ZC3H12C: variants seen among roughly 807,000 people sequenced by gnomAD.
The protein encoded by ZC3H12C is probable ribonuclease ZC3H12C.
A neutral mutation model predicts 76.3 loss-of-function variants in ZC3H12C; 20 were observed. That is an observed-to-expected ratio of 0.26 (90% confidence interval 0.18 to 0.38). The LOEUF (loss-of-function observed/expected upper bound fraction) is 0.38, where lower values mean the gene tolerates loss of function less well. Among genes scored for constraint, ZC3H12C ranks in the 10% least tolerant of loss-of-function variants. ZC3H12C has a pLI of 1.00. For missense variants in ZC3H12C, 874 were observed against 1,086.5 expected (o/e 0.80, Z 2.75); for synonymous variants, 352 against 399.6 (o/e 0.88, Z 1.42).
intron 2 of ZC3H12C, 85 bp from the exon 3 acceptor site, chr11:110,152,834 G>A (rs1862299536): frequency 6.9e-7 from 1 of 1,452,084 alleles, no homozygotes; most frequent in East Asian, 2.5e-5. Flanking sequence ...TTGTAACTAT[G>A]TAATACTTTC....
At chr11:110,151,301 A>C (rs1466843548) in intron 2 of ZC3H12C, among the ~76,000 whole-genome samples, 1 of 152,192 alleles carries the variant, frequency 6.6e-6, no homozygotes, top group Admixed American at 6.5e-5. Flanking sequence ...TTACCAAATG[A>C]AATTACCAGG....
At chr11:110,130,948 T>C (rs1861853564) in intron 1 of ZC3H12C, 2 of 1,356,198 alleles carry the variant, frequency 1.5e-6, no homozygotes, top group East Asian at 5.0e-5. Context: ...TTGGCTGTTA[T>C]TCCACTCGGT....
chr11:110,103,797 G>T (rs1307084312), intron 1 of ZC3H12C, among the ~76,000 whole-genome samples: 1 of 151,948 alleles, frequency 6.6e-6, no homozygotes, highest in Non-Finnish European at 1.5e-5. Flanking sequence ...TAGAGATGGG[G>T]TTTCACCGTG....
At chr11:110,125,238 G>A (rs746164014) in intron 1 of ZC3H12C, among the ~76,000 whole-genome samples, 59 of 149,344 alleles carry the variant, frequency 4.0e-4, no homozygotes, top group Non-Finnish European at 7.0e-4. Flanking sequence ...CATTTGGATG[G>A]ATTTTATGGG....
Position 110,105,292 on chromosome 11 carries a change from T to C in ZC3H12C, c.21+11860T>C, listed in dbSNP as rs1861301640. 3.3e-5 allele frequency among the ~76,000 whole-genome samples: 5 copies of C among 152,308 alleles called. No homozygotes were observed. The South Asian group carries it at 1.0e-3, about 32-fold the overall frequency. Reference sequence around the variant, plus strand: ...TGATGATCTTATGTACTGGATACTTTATGCAATTTTGATGTAATTTTAAAT... The same window carrying C: ...TGATGATCTTATGTACTGGATACTTCATGCAATTTTGATGTAATTTTAAAT... On this transcript the variant is annotated intron_variant, in intron 1 of 5. Transcript: ENST00000278590.
intron 2 of ZC3H12C, among the ~76,000 whole-genome samples, chr11:110,150,410 T>G (rs1862250850): frequency 6.6e-6 from 1 of 152,180 alleles, no homozygotes; most frequent in Non-Finnish European, 1.5e-5. Flanking sequence ...TGTATGGCTT[T>G]TATTACATTA....
intron 2 of ZC3H12C, among the ~76,000 whole-genome samples, chr11:110,143,976 G>C (rs747756367): frequency 1.3e-5 from 2 of 152,142 alleles, no homozygotes; most frequent in Non-Finnish European, 2.9e-5. Context: ...GGTATCTTAT[G>C]CAAGTACATC....
intron 2 of ZC3H12C, among the ~76,000 whole-genome samples, chr11:110,139,360 A>G (rs1039398978): frequency 1.3e-5 from 2 of 152,224 alleles, no homozygotes; most frequent in African/African-American, 4.8e-5. Context: ...AGAGAATTTA[A>G]AGCTGGCTCT....
At chr11:110,155,805 T>C (rs913667891) in intron 3 of ZC3H12C, among the ~76,000 whole-genome samples, 1 of 152,204 alleles carries the variant, frequency 6.6e-6, no homozygotes, top group African/African-American at 2.4e-5. Context: ...AATTGCCTCT[T>C]AGTTGCAACT....
intron 1 of ZC3H12C, among the ~76,000 whole-genome samples, chr11:110,122,253 T>C (rs969910392): frequency 6.6e-6 from 1 of 152,206 alleles, no homozygotes; most frequent in Non-Finnish European, 1.5e-5. Flanking sequence ...GTGAATATTC[T>C]TACCATACAG....
intron 1 of ZC3H12C, chr11:110,124,269 C>T (rs888929403): frequency 2.6e-5 from 4 of 152,184 alleles, no homozygotes; most frequent in Non-Finnish European, 4.4e-5. Flanking sequence ...GATAAACCCA[C>T]CCTGTCACAG....
intron 1 of ZC3H12C, among the ~76,000 whole-genome samples, chr11:110,108,360 C>G (rs907098729): frequency 6.6e-6 from 1 of 152,174 alleles, no homozygotes; most frequent in African/African-American, 2.4e-5. Flanking sequence ...AAAAAAGGTT[C>G]AGATAATTTA....
chr11:110,107,367 T>C (rs1273993916), intron 1 of ZC3H12C, among the ~76,000 whole-genome samples: 1 of 148,926 alleles, frequency 6.7e-6, no homozygotes, highest in Non-Finnish European at 1.5e-5. Context: ...AACCATTTAT[T>C]CAAATGAAGT....
Position 110,116,447 on chromosome 11 carries a change from CGGGCATTTTAACTCTA to C in ZC3H12C, c.22-20199_22-20184del, listed in dbSNP as rs1205581346. ...GATATCATGCACAAAGGAATAGAGTCGGGCATTTTAACTCTAGGGCATTTTAACTCTAATGCATTTG... is the reference window on the plus strand; with the variant it reads ...GATATCATGCACAAAGGAATAGAGTCGGGCATTTTAACTCTAATGCATTTG... On this transcript the variant is annotated intron_variant, in intron 1 of 5. Transcript: ENST00000278590. 6.6e-5 allele frequency among the ~76,000 whole-genome samples: 10 copies of C among 152,176 alleles called. 1 individual carries two copies. The South Asian group carries it at 1.5e-3, about 22-fold the overall frequency.
chr11:110,095,250 G>A (rs901557556), intron 1 of ZC3H12C, among the ~76,000 whole-genome samples: 3 of 152,094 alleles, frequency 2.0e-5, no homozygotes, highest in East Asian at 1.9e-4. Context: ...CTGCAAAATC[G>A]GATCCCAAGT....
chr11:110,131,844 C>A (rs10891061), intron 1 of ZC3H12C: 1 of 152,036 alleles, frequency 6.6e-6, no homozygotes, highest in Non-Finnish European at 1.5e-5. Flanking sequence ...CCCTATTGTG[C>A]GAACATATGC....
intron 1 of ZC3H12C, among the ~76,000 whole-genome samples, chr11:110,107,675 G>A (rs1861356027): frequency 6.6e-6 from 1 of 151,878 alleles, no homozygotes; most frequent in Non-Finnish European, 1.5e-5. Flanking sequence ...ACAGGCGCCC[G>A]CCACCATACC....
chr11:110,104,048 C>G (rs1861272141), intron 1 of ZC3H12C, among the ~76,000 whole-genome samples: 1 of 138,568 alleles, frequency 7.2e-6, no homozygotes, highest in Non-Finnish European at 1.6e-5. Context: ...TCAGTCATAT[C>G]TTTAGGCTCC....
intron 1 of ZC3H12C, among the ~76,000 whole-genome samples, chr11:110,106,498 T>C (rs1213388405): frequency 1.3e-5 from 2 of 152,232 alleles, no homozygotes; most frequent in African/African-American, 4.8e-5. Flanking sequence ...ATGTATGTGA[T>C]CTTGGGTAGG....
Sources: allele counts gnomAD v4.1 joint callset (sites outside exome capture counted in the v4.1 genomes callset), GRCh38; gene constraint gnomAD v4.1.1; transcripts MANE v1.5; gene names NCBI Gene and HGNC (gene_info 2026-07-23, HGNC 2026-07-21).